HDAC9: variants seen among roughly 807,000 people sequenced by gnomAD.
HDAC9 encodes MEF-2 interacting transcription repressor (MITR) protein.
HDAC9 carries 41 observed loss-of-function variants against 139.4 expected under a neutral mutation model. The observed-to-expected ratio is 0.29, with a 90% CI of 0.23 to 0.38. HDAC9 has a LOEUF of 0.38. Among genes scored for constraint, HDAC9 ranks in the 10% least tolerant of loss-of-function variants. The pLI is 1.00. For missense variants in HDAC9, 1,147 were observed against 1,297.0 expected (o/e 0.88, Z 1.78); for synonymous variants, 517 against 476.2 (o/e 1.09, Z -1.12).
Position 18,365,942 on chromosome 7 carries a change from G to T in HDAC9, c.-42+75427G>T, listed in dbSNP as rs573361717. On this transcript the variant is annotated intron_variant, in intron 1 of 3. Coordinates refer to the HDAC9 transcript ENST00000413509. ...CTGGTTACTTTTATCCTTTAGTGTT[G>T]TTTTCAGTTGTTTTTTTTTTTCTGT... 3.0e-4 allele frequency among the ~76,000 whole-genome samples: 40 copies of T among 133,870 alleles called. No homozygotes were observed. The South Asian group carries it at 7.4e-3, about 25-fold the overall frequency. The allele number at this position is 133,870 out of a possible 152,430, so 87.8% of individuals were successfully genotyped here. A position where few individuals can be genotyped will look rare whatever the true frequency, so the allele number is the denominator to read the frequency against.
Position 18,495,849 on chromosome 7 carries a change from A to C in HDAC9, c.-216A>C, listed in dbSNP as rs535559845. ...AACCCTAGCAGCCTGAAGAACTCTAAGCCAGGTTTAATTGGTTTCTTTTTC... is the reference window on the plus strand; with the variant it reads ...AACCCTAGCAGCCTGAAGAACTCTACGCCAGGTTTAATTGGTTTCTTTTTC... On this transcript the variant is annotated 5_prime_UTR_variant, in exon 1 of 26. Coordinates refer to ENST00000686413, the MANE Select transcript of HDAC9 (RefSeq NM_178425.4). 2.0e-5 allele frequency: 21 copies of C among 1,057,172 alleles called. No individual in the cohort carries two copies. The East Asian group carries it at 1.3e-3, about 67-fold the overall frequency. The allele number at this position is 1,057,172 out of a possible 1,614,324, so 65.5% of individuals were successfully genotyped here. A position where few individuals can be genotyped will look rare whatever the true frequency, so the allele number is the denominator to read the frequency against.
chr7:18,344,127 T>C (rs1782222842), intron 1 of HDAC9, among the ~76,000 whole-genome samples: 1 of 151,862 alleles, frequency 6.6e-6, no homozygotes, highest in Non-Finnish European at 1.5e-5. Flanking sequence ...TCTTAGCACA[T>C]GTAATGTGAA....
At chr7:18,270,107 G>A (rs187539085) in intron 2 of HDAC9, among the ~76,000 whole-genome samples, 69 of 152,088 alleles carry the variant, frequency 4.5e-4, no homozygotes, top group Admixed American at 4.5e-3. Context: ...AATGTCTTTA[G>A]GCATTGCTAG....
intron 11 of HDAC9, among the ~76,000 whole-genome samples, chr7:18,665,491 A>G (rs1246782940): frequency 2.6e-5 from 4 of 151,190 alleles, no homozygotes; most frequent in African/African-American, 9.9e-5. Flanking sequence ...ACTAAGTTCA[A>G]TCTAATTTAT....
At chr7:18,938,591 G>A (rs146666511) in intron 23 of HDAC9, among the ~76,000 whole-genome samples, 5,198 of 151,902 alleles carry the variant, frequency 0.034, 276 homozygotes, top group African/African-American at 0.12. Context: ...GCGAGACTCC[G>A]TCTCAAAAAA....
intron 1 of HDAC9, among the ~76,000 whole-genome samples, chr7:18,127,907 TA>T (rs146865099): frequency 0.16 from 24,022 of 151,980 alleles, 2,297 homozygotes; most frequent in South Asian, 0.34. Flanking sequence ...TTCGTGCATT[TA>T]AAAAAAACTT....
intron 25 of HDAC9, among the ~76,000 whole-genome samples, chr7:18,985,050 AT>A (rs915156506): frequency 3.6e-4 from 54 of 151,292 alleles, no homozygotes; most frequent in African/African-American, 1.0e-3. Context: ...CTGGATCTTT[AT>A]TTTTTTTTAA....
chr7:18,254,348 A>T (rs558639104), intron 2 of HDAC9, among the ~76,000 whole-genome samples: 41 of 152,336 alleles, frequency 2.7e-4, no homozygotes, highest in African/African-American at 8.4e-4. Context: ...CTTCTCTAAG[A>T]CTTGATTGCC....
At chr7:18,865,897 G>A (rs989188209) in intron 21 of HDAC9, among the ~76,000 whole-genome samples, 1 of 151,626 alleles carries the variant, frequency 6.6e-6, no homozygotes, top group Non-Finnish European at 1.5e-5. Context: ...TTAGACTATA[G>A]AGAAAAAAGG....
intron 1 of HDAC9, among the ~76,000 whole-genome samples, chr7:18,398,658 A>G (rs1411909166): frequency 1.3e-5 from 2 of 152,118 alleles, no homozygotes; most frequent in Admixed American, 1.3e-4. Context: ...TTTAAGATAT[A>G]TTTCAGTCAT....
Position 18,602,015 on chromosome 7 carries a change from G to T in HDAC9, c.664+7986G>T, listed in dbSNP as rs746876431. 3.3e-5 allele frequency among the ~76,000 whole-genome samples: 5 copies of T among 152,074 alleles called. No individual in the cohort carries two copies. The South Asian group carries it at 6.2e-4, about 19-fold the overall frequency. ...TTAGGAAGTAGTCCTCCTATTTTCT[G>T]GAAGAGATTAGAGTATTGATACCAT... is the stretch of plus-strand genomic sequence containing the variant. On this transcript the variant is annotated intron_variant, in intron 6 of 25. Transcript: ENST00000686413.
chr7:18,706,160 CTTTTTT>C (rs1165670432), intron 12 of HDAC9, among the ~76,000 whole-genome samples: 46 of 86,748 alleles, frequency 5.3e-4, no homozygotes, highest in Non-Finnish European at 9.0e-4. Flanking sequence ...GAAAGTTTTC[CTTTTTT>C]TTTTTTTTTT....
intron 12 of HDAC9, among the ~76,000 whole-genome samples, chr7:18,701,440 T>C (rs764774179): frequency 6.6e-6 from 1 of 150,382 alleles, no homozygotes; most frequent in Non-Finnish European, 1.5e-5. Context: ...ACAACTGTAC[T>C]ATAGTACCAC....
At chr7:18,147,698 C>T (rs1786446686) in intron 1 of HDAC9, among the ~76,000 whole-genome samples, 1 of 150,868 alleles carries the variant, frequency 6.6e-6, no homozygotes. Flanking sequence ...AAATTTCACT[C>T]ACTGTCCAGA....
At chr7:18,164,222 A>G (rs1387286349) in intron 2 of HDAC9, among the ~76,000 whole-genome samples, 1 of 152,156 alleles carries the variant, frequency 6.6e-6, no homozygotes, top group Middle Eastern at 3.2e-3. Flanking sequence ...AGTTTCTTCT[A>G]TTTATTGCAA....
chr7:18,881,895 A>C (rs1473009926), intron 22 of HDAC9, among the ~76,000 whole-genome samples: 1 of 152,132 alleles, frequency 6.6e-6, no homozygotes, highest in East Asian at 1.9e-4. Flanking sequence ...CCCACCAGGT[A>C]CCACTTCATG....
At chr7:18,392,315 TCACACA>T (rs57932620) in intron 1 of HDAC9, among the ~76,000 whole-genome samples, 248 of 119,344 alleles carry the variant, frequency 2.1e-3, no homozygotes, top group African/African-American at 4.8e-3. Flanking sequence ...TCTCTCTCTC[TCACACA>T]CACACACACA....
At chr7:18,976,825 C>T (rs1440684129) in intron 25 of HDAC9, among the ~76,000 whole-genome samples, 6 of 152,204 alleles carry the variant, frequency 3.9e-5, no homozygotes, top group Non-Finnish European at 8.8e-5. Context: ...TACTAAAGCT[C>T]TGCCAGCTTG....
At chr7:18,901,931 G>A (rs1364606275) in intron 22 of HDAC9, among the ~76,000 whole-genome samples, 3 of 152,092 alleles carry the variant, frequency 2.0e-5, no homozygotes, top group Non-Finnish European at 4.4e-5. Flanking sequence ...AGTTTTGTCT[G>A]GCCTTACCTA....
Sources: allele counts gnomAD v4.1 joint callset (sites outside exome capture counted in the v4.1 genomes callset), GRCh38; gene constraint gnomAD v4.1.1; transcripts MANE v1.5; gene names NCBI Gene and HGNC (gene_info 2026-07-23, HGNC 2026-07-21).